The following RAD9B variants were observed in gnomAD, a reference collection of about 807,000 sequenced individuals.
The protein encoded by RAD9B is RAD9 checkpoint clamp component B.
In RAD9B, 41 loss-of-function variants were observed where a neutral mutation model predicts 48.3. That is an observed-to-expected ratio of 0.85 (90% CI 0.66 to 1.10). RAD9B has a LOEUF of 1.10. Ranked by LOEUF, RAD9B falls within the 50% of genes least tolerant of loss-of-function variation. The pLI, the probability that RAD9B is intolerant of heterozygous loss-of-function variation, is 0.00. For missense variants in RAD9B, 444 were observed against 485.1 expected, an observed-to-expected ratio of 0.92 and a Z score of 0.80; for synonymous variants, 160 against 157.9, an observed-to-expected ratio of 1.01 and a Z score of -0.10.
At chr12:110,529,424 C>T (rs1425600424) in intron 10 of RAD9B, among the ~76,000 whole-genome samples, 2 of 152,152 alleles carry the variant, frequency 1.3e-5, no homozygotes, top group Admixed American at 6.5e-5. Context: ...GGATTACAGG[C>T]GTGGGCCACC....
rs2064137493 is a variant in RAD9B at position 110,531,535 on chromosome 12, A to G, written c.*882A>G. 2 of 1,413,050 alleles carry G rather than the reference A, an allele frequency of 1.4e-6. No individual in the cohort carries two copies. The highest frequency in any genetic ancestry group is 1.2e-5 in the South Asian group (1 of 85,026). 87.5% of individuals were successfully genotyped at this position (1,413,050 alleles called of 1,614,324 possible). ...TGTAAAATTTTATTTCCTAACCTCA[A>G]ATTGTTCTGATTTTCAGATGTGATT... On this transcript the variant is annotated 3_prime_UTR_variant, in exon 11 of 11. Coordinates refer to ENST00000409300, the MANE Select transcript of RAD9B (RefSeq NM_001286535.2).
At chr12:110,508,275 G>A (rs1310895972) in intron 4 of RAD9B, 1 of 169,368 alleles carries the variant, frequency 5.9e-6, no homozygotes, top group Middle Eastern at 5.2e-4. Context: ...AGGATGAAGT[G>A]AGATCACATA....
chr12:110,528,207 T>C (rs1324841761), intron 10 of RAD9B, among the ~76,000 whole-genome samples: 1 of 152,122 alleles, frequency 6.6e-6, no homozygotes, highest in African/African-American at 2.4e-5. Context: ...AGTCACCCAA[T>C]TGTAGCATCT....
At chr12:110,519,229 A>G (rs992453625) in intron 8 of RAD9B, among the ~76,000 whole-genome samples, 1 of 151,192 alleles carries the variant, frequency 6.6e-6, no homozygotes, top group Non-Finnish European at 1.5e-5. Context: ...TCAGCCTCCC[A>G]AGTAGCTGGG....
chr12:110,518,745 T>G lies in RAD9B; in HGVS notation c.665T>G (p.Met222Arg), dbSNP rs760067816. ...GAGTTTGACTTCTTTCAAATTGGAA[T>G]GGACACTGAGATAACATTTTGTTTC... ...SDEFDFFQIG[M>R]DTEITFCFKE... Residue 222 changes from methionine to arginine, a missense_variant, in exon 7 of 11, where the codon ATG (methionine) becomes AGG (arginine). Transcript: ENST00000409300. 8 of 1,610,872 alleles carry G rather than the reference T, an allele frequency of 5.0e-6. No homozygotes were observed. The highest frequency in any genetic ancestry group is 4.0e-5 in the African/African-American group (3 of 74,902).
intron 8 of RAD9B, among the ~76,000 whole-genome samples, chr12:110,519,355 C>T (rs55929252): frequency 0.13 from 20,340 of 152,004 alleles, 1,955 homozygotes; most frequent in African/African-American, 0.27. Context: ...CCACCAGCCT[C>T]GGCCTCCCAA....
At chr12:110,514,342 AGAC>A (rs2063550449) in intron 5 of RAD9B, among the ~76,000 whole-genome samples, 1 of 152,212 alleles carries the variant, frequency 6.6e-6, no homozygotes, top group African/African-American at 2.4e-5. Flanking sequence ...AATAATAAAA[AGAC>A]AGCCCAGCTG....
At chr12:110,515,981 T>C (rs1470465044) in intron 6 of RAD9B, among the ~76,000 whole-genome samples, 4 of 151,930 alleles carry the variant, frequency 2.6e-5, no homozygotes, top group Non-Finnish European at 4.4e-5. Context: ...TATGAAGCAG[T>C]TGGACACTTT....
intron 2 of RAD9B, among the ~76,000 whole-genome samples, chr12:110,504,420 C>T (rs887167650): frequency 1.3e-5 from 2 of 150,222 alleles, no homozygotes; most frequent in African/African-American, 4.9e-5. Context: ...AGTGAGTGAG[C>T]CGACATGGTG....
intron 1 of RAD9B, 142 bp from the exon 2 acceptor site, chr12:110,503,664 A>G: frequency 3.0e-6 from 2 of 659,438 alleles, no homozygotes. Flanking sequence ...ATTATACTGT[A>G]TTAAAGTAAT....
rs184342434 is a variant in RAD9B, at chr12:110,531,575, G to A, written c.*922G>A. ...CAGATGTGATTTTTTATTTTGCAGTGTGCTGCAGGAAAGAATTTAATGGAA... is the reference window on the plus strand; with the variant it reads ...CAGATGTGATTTTTTATTTTGCAGTATGCTGCAGGAAAGAATTTAATGGAA... On this transcript the variant is annotated 3_prime_UTR_variant, in exon 11 of 11. Coordinates refer to ENST00000409300, the MANE Select transcript of RAD9B (RefSeq NM_001286535.2). The A allele has an allele frequency of 6.0e-4, 944 of 1,584,366 alleles. 2 individuals carry two copies. In the African/African-American group the frequency reaches 9.0e-3, roughly 15 times the overall value.
At chr12:110,512,351 G>C (rs1025907674) in intron 4 of RAD9B, among the ~76,000 whole-genome samples, 3 of 150,856 alleles carry the variant, frequency 2.0e-5, no homozygotes, top group Middle Eastern at 3.2e-3. Flanking sequence ...GTTATGCCAT[G>C]TTGACCAGGC....
At chr12:110,508,646 G>A (rs1191795445) in intron 4 of RAD9B, among the ~76,000 whole-genome samples, 1 of 152,162 alleles carries the variant, frequency 6.6e-6, no homozygotes, top group Admixed American at 6.5e-5. Context: ...AATTTTTGTA[G>A]AGTCAGGGTC....
At chr12:110,529,333 CG>C (rs2135740416) in intron 10 of RAD9B, among the ~76,000 whole-genome samples, 1 of 151,840 alleles carries the variant, frequency 6.6e-6, no homozygotes, top group Non-Finnish European at 1.5e-5. Flanking sequence ...TTAGTAGAGA[CG>C]GGGTTTCACT....
At chr12:110,530,485 C>T (rs751827250) in intron 10 of RAD9B, 40 bp from the exon 11 acceptor site, 2 of 1,606,684 alleles carry the variant, frequency 1.2e-6, no homozygotes, top group South Asian at 1.1e-5. Flanking sequence ...AGCAAACTTT[C>T]TCTTTGGAAT....
rs1352508151 is a variant in RAD9B at position 110,520,653 on chromosome 12, T to G, written c.890+737T>G. Among the ~76,000 whole-genome samples the G allele has an allele frequency of 2.3e-4, 33 of 145,320 alleles. 1 individual carries two copies. The highest frequency in any genetic ancestry group is 3.3e-4 in the Non-Finnish European group (22 of 66,176). Reference sequence around the variant, plus strand: ...CTTTTTTTTTTTTTTTTTTGTTGTTTTTTTTTTGTTTTTTTGAGACAGAAT... The same window carrying G: ...CTTTTTTTTTTTTTTTTTTGTTGTTGTTTTTTTGTTTTTTTGAGACAGAAT... On this transcript the variant is annotated intron_variant, in intron 9 of 10. Transcript: ENST00000409300.
chr12:110,519,952 C>G, intron 9 of RAD9B, 36 bp downstream of exon 9: 2 of 1,593,186 alleles, frequency 1.3e-6, no homozygotes, highest in South Asian at 1.1e-5. Context: ...TTACTTGGGA[C>G]AAGCCATCAT....
chr12:110,509,117 A>C (rs755021812), intron 4 of RAD9B, among the ~76,000 whole-genome samples: 4 of 152,012 alleles, frequency 2.6e-5, no homozygotes, highest in Non-Finnish European at 4.4e-5. Context: ...GGCGCCTGCC[A>C]CCATGCCCGG....
In RAD9B at chr12:110,522,159, T is replaced by G. The variant is rs1210301195; in HGVS notation, c.891-18T>G. On this transcript the variant is annotated intron_variant, in intron 9 of 10. Transcript: ENST00000409300. ...CACAATAAACAGTTCATTCATTTAA[T>G]GCCTATTAATACCTCAGGTCAGATC... is the stretch of plus-strand genomic sequence containing the variant. The G allele has an allele frequency of 2.0e-6, 3 of 1,472,308 alleles. No homozygotes were observed. Among genetic ancestry groups the G allele is most frequent in the Admixed American group, 4.1e-5 (2 of 48,546 alleles). The allele number at this position is 1,472,308 out of a possible 1,614,324, so 91.2% of individuals were successfully genotyped here. A position where few individuals can be genotyped will look rare whatever the true frequency, so the allele number is the denominator to read the frequency against.
Sources: gnomAD v4.1 joint callset for allele counts (sites outside exome capture counted in the v4.1 genomes callset) on GRCh38, gnomAD v4.1.1 for gene constraint, MANE v1.5 for transcripts, NCBI Gene and HGNC (gene_info 2026-07-23, HGNC 2026-07-21) for gene names.